Variants in LAMA5 observed in about 807,000 individuals in gnomAD.
The protein encoded by LAMA5 is laminin subunit alpha 5, also known as laminin subunit alpha-5.
A neutral mutation model predicts 433.4 loss-of-function variants in LAMA5; 260 were observed. The ratio of observed to expected loss-of-function variants is 0.60; its 90% CI spans 0.54 to 0.66. The LOEUF is 0.66. Among genes scored for constraint, LAMA5 ranks in the 30% least tolerant of loss-of-function variants. The pLI, the probability that LAMA5 is intolerant of heterozygous loss-of-function variation, is 0.00. For synonymous variants in LAMA5, 2,620 were observed against 2,226.6 expected, an observed-to-expected ratio of 1.18 and a Z score of -4.97; for missense variants, 5,378 against 5,258.5, an observed-to-expected ratio of 1.02 and a Z score of -0.70.
intron 45 of LAMA5, among the ~76,000 whole-genome samples, 173 bp downstream of exon 45, chr20:62,323,283 C>T (rs998529639): frequency 7.0e-6 from 1 of 143,560 alleles, no homozygotes; most frequent in East Asian, 2.0e-4. Flanking sequence ...GCGGGAGGAC[C>T]GGATCATAGC....
At position 62,353,393 on chromosome 20, in the gene LAMA5, G is replaced by GGGGCAGACGAA. The variant is rs1382383011; in HGVS notation, c.451-143_451-142insTTCGTCTGCCC. The GGGGCAGACGAA allele has an allele frequency of 1.1e-5, 7 of 617,276 alleles. No individual in the cohort carries two copies. In the African/African-American group the frequency reaches 1.3e-4, roughly 12 times the overall value. 38.2% of individuals were successfully genotyped at this position (617,276 alleles called of 1,614,324 possible). On this transcript the variant is annotated intron_variant, in intron 2 of 79. Coordinates refer to ENST00000252999, the MANE Select transcript of LAMA5 (RefSeq NM_005560.6). ...CCGCACAGGGGGCACCTCTGGGTTT[G>GGGGCAGACGAA]CCTGTGTGGGGCAGACGAACCCAGG...
Position 62,310,946 on chromosome 20 carries a change from G to C in LAMA5, c.10237C>G (p.Arg3413Gly). Residue 3413 changes from arginine to glycine, a missense_variant, in exon 74 of 80, where the codon CGC becomes GGC. Physicochemically the swap from Arg to Gly is moderately radical, Grantham distance 125. Coordinates refer to ENST00000252999, the MANE Select transcript of LAMA5 (RefSeq NM_005560.6). ...AQMEGLGTRL[R>G]AQSRQRSRPG... Reference sequence around the variant, plus strand: ...CGGGAGCGCTGGCGGCTCTGGGCGCGGAGCCGAGTCCCGAGGCCTTCCATC... The same window carrying C: ...CGGGAGCGCTGGCGGCTCTGGGCGCCGAGCCGAGTCCCGAGGCCTTCCATC... The C allele has an allele frequency of 6.2e-7, 1 of 1,611,258 alleles. No homozygotes were observed. Among genetic ancestry groups the C allele is most frequent in the Non-Finnish European group, 8.5e-7 (1 of 1,179,536 alleles).
chr20:62,318,742 C>A, intron 52 of LAMA5, 92 bp from the exon 53 acceptor site: 1 of 1,568,974 alleles, frequency 6.4e-7, no homozygotes, highest in Non-Finnish European at 8.7e-7. Context: ...ATCCATCTGC[C>A]CCGTGATGCC....
At chr20:62,346,381 G>A (rs1470666000) in intron 9 of LAMA5, 125 bp downstream of exon 9, 2 of 1,356,238 alleles carry the variant, frequency 1.5e-6, no homozygotes, top group African/African-American at 1.4e-5. Flanking sequence ...TGGCCTGGGA[G>A]GCTCCTTCCT....
rs1024147828 is a variant in LAMA5 at position 62,320,596 on chromosome 20, G to C, written c.6722C>G (p.Thr2241Arg). ...CCGCCGTGCGTCCTGCCCGAGGCTT[G>C]TGCTCTGCTGCTCCAGCACCTCCAG... ...QQLEVLEQQS[T>R]SLGQDARRLG... Residue 2241 changes from threonine to arginine, a missense_variant, in exon 50 of 80, where the codon ACA (threonine) becomes AGA (arginine). Transcript: ENST00000252999. 1 of 1,606,006 alleles carries C rather than the reference G, an allele frequency of 6.2e-7. No individual in the cohort carries two copies. Among genetic ancestry groups the C allele is most frequent in the Non-Finnish European group, 8.5e-7 (1 of 1,178,946 alleles).
At position 62,367,114 on chromosome 20, in the gene LAMA5, G is replaced by A; in HGVS notation, c.132C>T (p.Ser44=). The A allele has an allele frequency of 1.6e-6, 2 of 1,277,828 alleles. No homozygotes were observed. Among genetic ancestry groups the A allele is most frequent in the Non-Finnish European group, 9.8e-7 (1 of 1,015,254 alleles). 79.2% of individuals were successfully genotyped at this position (1,277,828 alleles called of 1,614,324 possible). A position where few individuals can be genotyped will look rare whatever the true frequency, so the allele number is the denominator to read the frequency against. Residue 44 remains serine, a synonymous_variant, in exon 1 of 80, where the codon AGC becomes AGT. Coordinates refer to ENST00000252999, the MANE Select transcript of LAMA5 (RefSeq NM_005560.6). The part of the protein sequence containing the change: ...RAREEAGGGF[S]LHPPYFNLAE... ...CCAGGTTGAAGTAGGGCGGGTGCAG[G>A]CTGAAGCCGCCGCCCGCCTCCTCCC...
Position 62,309,155 on chromosome 20 carries a change from A to G in LAMA5, c.*181T>C, listed in dbSNP as rs1985769762. 1 of 669,794 alleles carries G rather than the reference A, an allele frequency of 1.5e-6. No individual in the cohort carries two copies. The highest frequency in any genetic ancestry group is 1.8e-5 in the African/African-American group (1 of 54,514). The allele number at this position is 669,794 out of a possible 1,614,324, so 41.5% of individuals were successfully genotyped here. A position where few individuals can be genotyped will look rare whatever the true frequency, so the allele number is the denominator to read the frequency against. ...AATTAAAAATGGGTGGAAGGGCCAA[A>G]TATAAAAACATTTTGCAGTATTTTA... On this transcript the variant is annotated 3_prime_UTR_variant, in exon 80 of 80. Transcript: ENST00000252999.
At chr20:62,312,149 A>G in intron 69 of LAMA5, 24 bp downstream of exon 69, 1 of 1,609,958 alleles carries the variant, frequency 6.2e-7, no homozygotes, top group East Asian at 2.2e-5. Flanking sequence ...GGGGTGGGGA[A>G]TGGGCACGGG....
intron 17 of LAMA5, 35 bp from the exon 18 acceptor site, chr20:62,336,480 G>A (rs746935696): frequency 8.4e-6 from 13 of 1,553,924 alleles, no homozygotes; most frequent in Middle Eastern, 1.7e-4. Context: ...CAGAGCGGGC[G>A]CCCTGCTCTC....
rs1278755092 is a variant in LAMA5, at chr20:62,336,754, C to A, written c.2197G>T (p.Val733Leu). The change falls in exon 17 of 80, where the codon GTG (valine) becomes TTG (leucine). Residue 733 changes from valine (V) to leucine (L), a missense_variant. Transcript: ENST00000252999. ...CTCACCTCAGGAAGGGCAGGATCCA[C>A]TGGGGCCAGACCGGCAGGGTGGCAA... ...GSCHPAGLAP[V>L]DPALPEAQVP... is the part of the protein sequence containing the mutation. 1.2e-6 allele frequency: 2 copies of A among 1,613,004 alleles called. No homozygotes were observed. Among genetic ancestry groups the A allele is most frequent in the African/African-American group, 1.3e-5 (1 of 74,930 alleles).
In LAMA5 at chr20:62,359,622, G is replaced by A. The variant is rs979097977; in HGVS notation, c.450+2778C>T. Among the ~76,000 whole-genome samples the A allele has an allele frequency of 2.6e-5, 4 of 152,098 alleles. No homozygotes were observed. Among genetic ancestry groups the A allele is most frequent in the Middle Eastern group, 3.2e-3 (1 of 316 alleles). ...AGAAGGACCCCCTGGGGAAGGTCAC[G>A]TCTGGAACTCGGAAACTGCCCCCTG... On this transcript the variant is annotated intron_variant, in intron 2 of 79. Coordinates refer to ENST00000252999, the MANE Select transcript of LAMA5 (RefSeq NM_005560.6). This position sits in a 1 kb window ranked among gnomAD's most constrained non-coding sequence, Gnocchi z 4.3.
Position 62,318,963 on chromosome 20 carries a change from A to C in LAMA5, c.6922T>G (p.Ser2308Ala). The C allele has an allele frequency of 1.3e-6, 2 of 1,595,478 alleles. No individual in the cohort carries two copies. The highest frequency in any genetic ancestry group is 1.7e-4 in the Middle Eastern group (1 of 6,024). The change falls in exon 52 of 80, where the codon TCA becomes GCA. Residue 2308 changes from serine to alanine, a missense_variant. Ser to Ala is a moderately conservative substitution (Grantham distance 99, BLOSUM62 1). Transcript: ENST00000252999. ...AGTGTCCGGAGCAGCTGCTCACCTG[A>C]TGGAGCCGAGGCATTGGCCAGCCCC... ...HLGLANASAP[S>A]GEQLLRTLAE...
Position 62,333,989 on chromosome 20 carries a change from G to C in LAMA5, c.2790C>G (p.Leu930=). Residue 930 remains leucine (L), a synonymous_variant, in exon 23 of 80, where the codon CTC becomes CTG. Coordinates refer to ENST00000252999, the MANE Select transcript of LAMA5 (RefSeq NM_005560.6). ...CCCCCCGGTTGACGTATCGGAAGACGAGCCAGAAAAGGTCAGGGGAGGTCA... is the reference window on the plus strand; with the variant it reads ...CCCCCCGGTTGACGTATCGGAAGACCAGCCAGAAAAGGTCAGGGGAGGTCA... ...LNLTSPDLFW[L]VFRYVNRGAM... is the part of the protein sequence containing the mutation. 1 of 1,612,984 alleles carries C rather than the reference G, an allele frequency of 6.2e-7. No homozygotes were observed. The highest frequency in any genetic ancestry group is 2.2e-5 in the East Asian group (1 of 44,874).
At chr20:62,346,007 C>T in intron 10 of LAMA5, 74 bp downstream of exon 10, 1 of 1,598,552 alleles carries the variant, frequency 6.3e-7, no homozygotes. Flanking sequence ...CCGGGGAACC[C>T]CTCCACCCCC....
rs767228660 is a variant in LAMA5, at chr20:62,310,065, T to C, written c.10751A>G (p.Asp3584Gly). ...VTEKQVLLRA[D>G]DGAGEFSTSV... is the part of the protein sequence containing the mutation. Reference sequence around the variant, plus strand: ...CGTGGAGAACTCCCCTGCTCCGTCATCCGCCCGCAGCAGGACCTGGCGGGG... The same window carrying C: ...CGTGGAGAACTCCCCTGCTCCGTCACCCGCCCGCAGCAGGACCTGGCGGGG... The change falls in exon 78 of 80, where the codon GAT becomes GGT. Residue 3584 changes from aspartate (D) to glycine (G), a missense_variant. Coordinates refer to ENST00000252999, the MANE Select transcript of LAMA5 (RefSeq NM_005560.6). 9 of 1,610,920 alleles carry C rather than the reference T, an allele frequency of 5.6e-6. No individual in the cohort carries two copies. In the South Asian group the frequency reaches 8.8e-5, roughly 16 times the overall value.
At chr20:62,336,636 G>T in intron 17 of LAMA5, 98 bp downstream of exon 17, 1 of 1,438,894 alleles carries the variant, frequency 6.9e-7, no homozygotes, top group South Asian at 1.2e-5. Flanking sequence ...CATGGCAACT[G>T]AGCAGCAGGC....
In LAMA5 at chr20:62,322,369, G is replaced by C. The variant is rs756960955; in HGVS notation, c.6246C>G (p.His2082Gln). 3 of 1,592,096 alleles carry C rather than the reference G, an allele frequency of 1.9e-6. No individual in the cohort carries two copies. The highest frequency in any genetic ancestry group is 1.3e-5 in the African/African-American group (1 of 74,408). Residue 2082 changes from histidine to glutamine, a missense_variant, in exon 47 of 80, where the codon CAC (histidine) becomes CAG (glutamine). His to Gln is a conservative substitution (Grantham distance 24, BLOSUM62 0). Coordinates refer to ENST00000252999, the MANE Select transcript of LAMA5 (RefSeq NM_005560.6). Reference protein sequence around the residue: ...CGPAAEGSECHPQSGQCHCRP... With the variant: ...CGPAAEGSECQPQSGQCHCRP... Reference sequence around the variant, plus strand: ...GGCAGTGGCACTGTCCGCTCTGGGGGTGGCACTCGGAGCCCTCGGCGGCCG... The same window carrying C: ...GGCAGTGGCACTGTCCGCTCTGGGGCTGGCACTCGGAGCCCTCGGCGGCCG...
intron 45 of LAMA5, 46 bp from the exon 46 acceptor site, chr20:62,322,804 C>G (rs748603854): frequency 5.0e-5 from 64 of 1,276,396 alleles, no homozygotes; most frequent in South Asian, 4.2e-4. Context: ...TCTCACCCCC[C>G]CAGGGAGCCC....
chr20:62,358,998 C>T (rs892253561), intron 2 of LAMA5, among the ~76,000 whole-genome samples: 2 of 152,148 alleles, frequency 1.3e-5, no homozygotes, highest in African/African-American at 2.4e-5. Context: ...TGCCTAACTG[C>T]CCCCTTATAC....
Sources: allele counts gnomAD v4.1 joint callset (sites outside exome capture counted in the v4.1 genomes callset), GRCh38; gene constraint gnomAD v4.1.1; non-coding constraint Gnocchi (gnomAD v3.1); transcripts MANE v1.5; gene names NCBI Gene and HGNC (gene_info 2026-07-23, HGNC 2026-07-21).